Variants in SPTBN1 observed in about 807,000 individuals in gnomAD.
The protein encoded by SPTBN1 is spectrin beta, non-erythrocytic 1.
SPTBN1 carries 32 observed loss-of-function variants against 266.4 expected under a neutral mutation model. That is an observed-to-expected ratio of 0.12 (90% CI 0.09 to 0.16). The LOEUF is 0.16. SPTBN1 is among the 10% of genes least tolerant of loss of function. The pLI, the probability that SPTBN1 is intolerant of heterozygous loss-of-function variation, is 1.00. For missense variants in SPTBN1, 2,296 were observed against 3,067.1 expected, an observed-to-expected ratio of 0.75 and a Z score of 5.94; for synonymous variants, 1,336 against 1,162.2, an observed-to-expected ratio of 1.15 and a Z score of -3.04.
intron 2 of SPTBN1, among the ~76,000 whole-genome samples, chr2:54,566,250 A>G (rs553404275): frequency 1.4e-5 from 2 of 140,206 alleles, no homozygotes; most frequent in Non-Finnish European, 3.0e-5. Flanking sequence ...GTGCAGTGGC[A>G]TGATCTCAGC....
intron 3 of SPTBN1, 36 bp downstream of exon 3, chr2:54,599,279 G>A: frequency 6.2e-7 from 1 of 1,600,794 alleles, no homozygotes; most frequent in Non-Finnish European, 8.5e-7. Flanking sequence ...GTGTGTTGTA[G>A]GTGGAAAATA....
chr2:54,557,656 G>C, intron 2 of SPTBN1: 1 of 929,844 alleles, frequency 1.1e-6, no homozygotes. Flanking sequence ...CAGGGATCTC[G>C]GCGGTGTTTA....
chr2:54,553,219 G>C (rs1672682192), intron 2 of SPTBN1, among the ~76,000 whole-genome samples: 1 of 152,166 alleles, frequency 6.6e-6, no homozygotes, highest in Admixed American at 6.5e-5. Context: ...GTTTTAGGGA[G>C]AAAAGAAGGT....
chr2:54,643,120 A>G lies in SPTBN1; in HGVS notation c.3996A>G (p.Lys1332=). Reference sequence around the variant, plus strand: ...CATCCAACAAAGAATGGCTTGACAAAATCGAGAAGGTGAGTTAAAACATTT... The same window carrying G: ...CATCCAACAAAGAATGGCTTGACAAGATCGAGAAGGTGAGTTAAAACATTT... ...ELASNKEWLD[K]IEKEGMQLIS... Residue 1332 remains lysine (K), a synonymous_variant, in exon 19 of 36, where the codon AAA becomes AAG. Coordinates refer to ENST00000356805, the MANE Select transcript of SPTBN1 (RefSeq NM_003128.3). The G allele has an allele frequency of 6.2e-7, 1 of 1,614,174 alleles. No individual in the cohort carries two copies. Among genetic ancestry groups the G allele is most frequent in the Non-Finnish European group, 8.5e-7 (1 of 1,180,002 alleles).
At chr2:54,590,278 A>G (rs571363613) in intron 2 of SPTBN1, among the ~76,000 whole-genome samples, 4 of 152,354 alleles carry the variant, frequency 2.6e-5, no homozygotes, top group South Asian at 4.1e-4. Flanking sequence ...GTGCTATACA[A>G]TGACAACATT....
chr2:54,667,520 C>T (rs1681445143), intron 34 of SPTBN1, 84 bp from the exon 35 acceptor site: 3 of 1,347,794 alleles, frequency 2.2e-6, no homozygotes, highest in South Asian at 1.2e-5. Context: ...TGGTCTACTT[C>T]TGTCCTGCAT....
At chr2:54,485,871 T>TG (rs1025692263) in intron 1 of SPTBN1, among the ~76,000 whole-genome samples, 15 of 150,712 alleles carry the variant, frequency 1.0e-4, no homozygotes, top group Non-Finnish European at 1.6e-4. Flanking sequence ...GGAGCGCCTC[T>TG]GCCCGGCCGC....
chr2:54,571,770 G>A (rs918464920), intron 2 of SPTBN1, among the ~76,000 whole-genome samples: 1 of 152,172 alleles, frequency 6.6e-6, no homozygotes, highest in Non-Finnish European at 1.5e-5. Context: ...ATAAAGGGAT[G>A]AATGAGTAGG....
chr2:54,666,034 C>T lies in SPTBN1; in HGVS notation c.6779C>T (p.Ala2260Val). The T allele has an allele frequency of 1.2e-6, 2 of 1,614,034 alleles. No individual in the cohort carries two copies. Among genetic ancestry groups the T allele is most frequent in the Non-Finnish European group, 1.7e-6 (2 of 1,179,978 alleles). ...HSEVPVSLKE[A>V]VCEVALDYKK... The stretch of plus-strand genomic sequence containing the variant: ...GAGGTCCCTGTGAGTTTGAAAGAAG[C>T]TGTCTGCGAAGTGGCCCTTGATTAC... The change falls in exon 34 of 36, where the codon GCT becomes GTT. Residue 2260 changes from alanine to valine, a missense_variant. This residue lies in a region of SPTBN1 where 347 missense variants were observed against 368.5 expected (regional missense o/e 0.94). Coordinates refer to ENST00000356805, the MANE Select transcript of SPTBN1 (RefSeq NM_003128.3).
intron 3 of SPTBN1, among the ~76,000 whole-genome samples, chr2:54,610,665 C>G (rs2103785669): frequency 6.6e-6 from 1 of 152,312 alleles, no homozygotes. Flanking sequence ...CACAAATTTC[C>G]TTTTCTTTTT....
intron 1 of SPTBN1, among the ~76,000 whole-genome samples, chr2:54,457,684 C>A (rs1214572117): frequency 6.6e-6 from 1 of 152,232 alleles, no homozygotes; most frequent in Non-Finnish European, 1.5e-5. Context: ...CGCTCGGCGC[C>A]TGCGGCCCCC....
At position 54,637,739 on chromosome 2, in the gene SPTBN1, G is replaced by A. The variant is rs1310128998; in HGVS notation, c.3794G>A (p.Ser1265Asn). Residue 1265 changes from serine to asparagine, a missense_variant, in exon 18 of 36, where the codon AGT becomes AAT. Transcript: ENST00000356805. ...CATAGGAAGAATCGTGAGACAGCCA[G>A]TGAACTTTTGATGAGGTTGAAGGAC... ...DRHRKNRETA[S>N]ELLMRLKDNR... The A allele has an allele frequency of 6.2e-7, 1 of 1,613,832 alleles. No individual in the cohort carries two copies. Among genetic ancestry groups the A allele is most frequent in the Non-Finnish European group, 8.5e-7 (1 of 1,179,822 alleles).
At chr2:54,532,004 G>T (rs1040586161) in intron 2 of SPTBN1, among the ~76,000 whole-genome samples, 1 of 151,964 alleles carries the variant, frequency 6.6e-6, no homozygotes, top group African/African-American at 2.4e-5. Flanking sequence ...AAAATAATTA[G>T]AATTGCCGGG....
rs1558764081 is a variant in SPTBN1, at chr2:54,481,437, TG to T, written c.-48+24920del. On this transcript the variant is annotated intron_variant, in intron 1 of 35. Transcript: ENST00000356805. ...GTGTGTGTGTGTGTGTGTGTGTGTG[TG>T]TGTTTTGTTTTGTTTGTTTGTTTGT... is the stretch of plus-strand genomic sequence containing the variant. Among the ~76,000 whole-genome samples, 385 of 85,102 alleles carry T rather than the reference TG, an allele frequency of 4.5e-3. 1 individual carries two copies. Among genetic ancestry groups the T allele is most frequent in the African/African-American group, 0.022 (352 of 16,328 alleles). The allele number at this position is 85,102 out of a possible 152,430, so 55.8% of individuals were successfully genotyped here.
chr2:54,618,714 G>A (rs1434223551), intron 7 of SPTBN1, among the ~76,000 whole-genome samples: 1 of 152,164 alleles, frequency 6.6e-6, no homozygotes, highest in Non-Finnish European at 1.5e-5. Context: ...GAGATTGCAG[G>A]CAGGGGCCTT....
Position 54,664,717 on chromosome 2 carries a change from T to C in SPTBN1, c.6659+26T>C, listed in dbSNP as rs367559093. 5.6e-6 allele frequency: 9 copies of C among 1,608,370 alleles called. No individual in the cohort carries two copies. In the African/African-American group the frequency reaches 1.2e-4, roughly 22 times the overall value. On this transcript the variant is annotated intron_variant, in intron 33 of 35. Coordinates refer to ENST00000356805, the MANE Select transcript of SPTBN1 (RefSeq NM_003128.3). This position sits in a 1 kb window ranked among gnomAD's most constrained non-coding sequence, Gnocchi z 5.6. The stretch of plus-strand genomic sequence containing the variant: ...GTAACAGCAGCAGAGGCTGCCACAG[T>C]AAGATGGGAAGTCAGCCTGTGAAGG...
intron 3 of SPTBN1, among the ~76,000 whole-genome samples, chr2:54,603,863 C>T (rs1448502239): frequency 6.6e-6 from 1 of 152,194 alleles, no homozygotes; most frequent in Non-Finnish European, 1.5e-5. Context: ...GCCTGTCACA[C>T]TGATTTGCTG....
chr2:54,645,070 C>A lies in SPTBN1; in HGVS notation c.4270-159C>A. On this transcript the variant is annotated intron_variant, in intron 20 of 35. Coordinates refer to ENST00000356805, the MANE Select transcript of SPTBN1 (RefSeq NM_003128.3). The surrounding 1 kb of genome is among the most constrained non-coding windows in gnomAD (Gnocchi z 4.3). Reference sequence around the variant, plus strand: ...ACCTCAGATTTACTTGAAAACAGTTCCATTGATGTTGAAAAGCAAGTCAGT... The same window carrying A: ...ACCTCAGATTTACTTGAAAACAGTTACATTGATGTTGAAAAGCAAGTCAGT... The A allele has an allele frequency of 1.5e-6, 1 of 658,346 alleles. No homozygotes were observed. The highest frequency in any genetic ancestry group is 2.6e-6 in the Non-Finnish European group (1 of 383,344). 40.8% of individuals were successfully genotyped at this position (658,346 alleles called of 1,614,324 possible).
At chr2:54,618,019 T>C in intron 6 of SPTBN1, 59 bp from the exon 7 acceptor site, 2 of 1,329,424 alleles carry the variant, frequency 1.5e-6, no homozygotes, top group Non-Finnish European at 2.1e-6. Context: ...TCATGTTTCA[T>C]TAGTCATATT....
Sources: gnomAD v4.1 joint callset for allele counts (sites outside exome capture counted in the v4.1 genomes callset) on GRCh38, gnomAD v4.1.1 for gene constraint, gnomAD v4.1.1 regional missense constraint, Gnocchi (gnomAD v3.1) non-coding constraint, MANE v1.5 for transcripts, NCBI Gene and HGNC (gene_info 2026-07-23, HGNC 2026-07-21) for gene names.